FAF1: variants seen among roughly 807,000 people sequenced by gnomAD.
The protein encoded by FAF1 is Fas associated factor 1.
Under a neutral mutation model 92.5 loss-of-function variants are expected in FAF1, and 25 were observed. The observed-to-expected ratio is 0.27, with a 90% CI of 0.20 to 0.38. The LOEUF (loss-of-function observed/expected upper bound fraction) is 0.38, where lower values mean the gene tolerates loss of function less well. FAF1 is among the 10% of genes least tolerant of loss of function. FAF1 has a pLI of 1.00. For synonymous variants in FAF1, 234 were observed against 273.2 expected, an observed-to-expected ratio of 0.86 and a Z score of 1.42; for missense variants, 636 against 793.3, an observed-to-expected ratio of 0.80 and a Z score of 2.38.
chr1:50,857,503 C>T (rs763599677), intron 2 of FAF1, among the ~76,000 whole-genome samples: 2 of 151,680 alleles, frequency 1.3e-5, no homozygotes, highest in African/African-American at 4.8e-5. Context: ...TAATATACTG[C>T]CTGAAGTTTC....
At chr1:50,494,803 T>C (rs1478571907) in intron 15 of FAF1, among the ~76,000 whole-genome samples, 1 of 152,218 alleles carries the variant, frequency 6.6e-6, no homozygotes, top group Non-Finnish European at 1.5e-5. Flanking sequence ...AAGTATATAT[T>C]TATTGGATGA....
chr1:50,539,735 G>C lies in FAF1; in HGVS notation c.1269-7C>G. ...ATTGCACATAGTGAGAAATCTAAAA[G>C]GAGACAAAATACAAAGTAAGTTTTG... On this transcript the variant is annotated splice_polypyrimidine_tract_variant and splice_region_variant and intron_variant, in intron 13 of 18. Transcript: ENST00000396153. 1.2e-6 allele frequency: 2 copies of C among 1,604,096 alleles called. No individual in the cohort carries two copies. The highest frequency in any genetic ancestry group is 8.5e-7 in the Non-Finnish European group (1 of 1,174,062).
intron 7 of FAF1, among the ~76,000 whole-genome samples, chr1:50,664,351 A>G (rs2124321496): frequency 6.6e-6 from 1 of 151,576 alleles, no homozygotes; most frequent in African/African-American, 2.4e-5. Flanking sequence ...GTCATAATAC[A>G]TATTTGGAAC....
chr1:50,577,565 T>C (rs1437677038), intron 12 of FAF1, among the ~76,000 whole-genome samples: 1 of 152,126 alleles, frequency 6.6e-6, no homozygotes, highest in Non-Finnish European at 1.5e-5. Flanking sequence ...AAGAAATCTT[T>C]CCCCTGAACT....
chr1:50,594,888 T>TTA (rs374986413), intron 9 of FAF1, among the ~76,000 whole-genome samples: 33,763 of 142,164 alleles, frequency 0.24, 4,336 homozygotes, highest in Middle Eastern at 0.41. Flanking sequence ...AAAAAAAAAA[T>TTA]TATATATATA....
At chr1:50,811,099 C>G (rs1643903965) in intron 2 of FAF1, among the ~76,000 whole-genome samples, 4 of 152,090 alleles carry the variant, frequency 2.6e-5, no homozygotes, top group Admixed American at 1.3e-4. Context: ...CTTTGGGAGG[C>G]TGAGGCAAGA....
At chr1:50,590,193 T>G (rs1651435848) in intron 9 of FAF1, among the ~76,000 whole-genome samples, 1 of 152,238 alleles carries the variant, frequency 6.6e-6, no homozygotes, top group South Asian at 2.1e-4. Context: ...GTTTTTCTAT[T>G]TCTGCAAAAA....
intron 8 of FAF1, among the ~76,000 whole-genome samples, chr1:50,598,398 G>A (rs1651932783): frequency 6.6e-6 from 1 of 150,528 alleles, no homozygotes; most frequent in African/African-American, 2.5e-5. Flanking sequence ...GGAGGTCAAG[G>A]CTGCAGAGAA....
chr1:50,758,657 C>G (rs1270224089), intron 4 of FAF1, among the ~76,000 whole-genome samples: 1 of 152,150 alleles, frequency 6.6e-6, no homozygotes, highest in Non-Finnish European at 1.5e-5. Flanking sequence ...CGTTTTCTTT[C>G]AGGCTGCCTG....
At chr1:50,904,482 C>T (rs1280286199) in intron 1 of FAF1, among the ~76,000 whole-genome samples, 1 of 152,122 alleles carries the variant, frequency 6.6e-6, no homozygotes, top group Non-Finnish European at 1.5e-5. Context: ...TTCAACAGAA[C>T]AATACATTTT....
At chr1:50,491,625 C>A in intron 16 of FAF1, 96 bp downstream of exon 16, 1 of 813,466 alleles carries the variant, frequency 1.2e-6, no homozygotes, top group Non-Finnish European at 2.0e-6. Context: ...TTCTCTATTG[C>A]AAACCCAGTA....
At chr1:50,787,463 A>C (rs2124572081) in intron 4 of FAF1, among the ~76,000 whole-genome samples, 1 of 152,304 alleles carries the variant, frequency 6.6e-6, no homozygotes, top group East Asian at 1.9e-4. Flanking sequence ...TGAGGACACA[A>C]TGTTCCCCAC....
chr1:50,840,624 A>C (rs1390734685), intron 2 of FAF1, among the ~76,000 whole-genome samples: 1 of 152,030 alleles, frequency 6.6e-6, no homozygotes, highest in Non-Finnish European at 1.5e-5. Flanking sequence ...TTCACTTTAT[A>C]AACACTATAA....
intron 4 of FAF1, among the ~76,000 whole-genome samples, chr1:50,753,404 G>T (rs551916559): frequency 3.3e-5 from 5 of 152,258 alleles, no homozygotes; most frequent in African/African-American, 1.2e-4. Context: ...ATGTACATTT[G>T]GGGTTGTTTC....
chr1:50,593,214 T>C (rs1271214907), intron 9 of FAF1, among the ~76,000 whole-genome samples: 1 of 152,176 alleles, frequency 6.6e-6, no homozygotes, highest in Non-Finnish European at 1.5e-5. Flanking sequence ...AATCCCACAC[T>C]ACCATTTTCT....
chr1:50,588,723 G>A (rs1651362635), intron 9 of FAF1, among the ~76,000 whole-genome samples: 1 of 152,208 alleles, frequency 6.6e-6, no homozygotes, highest in Non-Finnish European at 1.5e-5. Flanking sequence ...GGTCTGCAGA[G>A]GCTGCAAGGG....
intron 13 of FAF1, among the ~76,000 whole-genome samples, chr1:50,546,816 A>G (rs889384541): frequency 3.3e-5 from 5 of 152,208 alleles, no homozygotes; most frequent in African/African-American, 1.2e-4. Flanking sequence ...GTGTTAGCCA[A>G]TCATAAAACT....
chr1:50,493,003 C>T (rs1380064894), intron 15 of FAF1, among the ~76,000 whole-genome samples: 1 of 151,532 alleles, frequency 6.6e-6, no homozygotes, highest in African/African-American at 2.4e-5. Context: ...TAATGTCTAC[C>T]CTTTCAGTCA....
chr1:50,525,779 AT>A (rs1181372529), intron 15 of FAF1, among the ~76,000 whole-genome samples: 1 of 151,518 alleles, frequency 6.6e-6, no homozygotes, highest in Non-Finnish European at 1.5e-5. Flanking sequence ...ATTTTGGCCA[AT>A]TTTTTTTCTG....
Sources: gnomAD v4.1 joint callset for allele counts (sites outside exome capture counted in the v4.1 genomes callset) on GRCh38, gnomAD v4.1.1 for gene constraint, MANE v1.5 for transcripts, NCBI Gene and HGNC (gene_info 2026-07-23, HGNC 2026-07-21) for gene names.